AGAP1: variants seen among roughly 807,000 people sequenced by gnomAD.
AGAP1 encodes the protein ArfGAP with GTPase domain, ankyrin repeat and PH domain 1.
A neutral mutation model predicts 105.3 loss-of-function variants in AGAP1; 29 were observed. The ratio of observed to expected loss-of-function variants is 0.28; its 90% CI spans 0.21 to 0.38. The LOEUF is 0.38. AGAP1 is among the 10% of genes least tolerant of loss of function. The pLI is 1.00. For synonymous variants in AGAP1, 509 were observed against 485.9 expected (o/e 1.05, Z -0.63); for missense variants, 998 against 1,165.1 (o/e 0.86, Z 2.09).
In AGAP1 at chr2:235,579,879, A is replaced by G. The variant is rs530837836; in HGVS notation, c.163+85030A>G. On this transcript the variant is annotated intron_variant, in intron 1 of 17. Coordinates refer to ENST00000304032, the MANE Select transcript of AGAP1 (RefSeq NM_001037131.3). The stretch of plus-strand genomic sequence containing the variant: ...ATTTCATCACCCCCGCCCAGGGGAA[A>G]CCCCATGTTCTTCAGCAGTCATTGC... 3.3e-5 allele frequency among the ~76,000 whole-genome samples: 5 copies of G among 152,134 alleles called. No homozygotes were observed. In the South Asian group the frequency reaches 1.0e-3, roughly 32 times the overall value.
rs2058647226 is a variant in AGAP1 at position 236,076,815 on chromosome 2, A to G, written c.2114+27534A>G. On this transcript the variant is annotated intron_variant, in intron 16 of 17. Coordinates refer to ENST00000304032, the MANE Select transcript of AGAP1 (RefSeq NM_001037131.3). This position sits in a 1 kb window ranked among gnomAD's most constrained non-coding sequence, Gnocchi z 4.4. ...GGGAAGTGACTGTATCCTACAGAGT[A>G]GAAAAATAGTCCCAGCACAGGGTCT... is the stretch of plus-strand genomic sequence containing the variant. Among the ~76,000 whole-genome samples the G allele has an allele frequency of 6.6e-6, 1 of 152,058 alleles. No individual in the cohort carries two copies.
chr2:236,063,103 A>AT lies in AGAP1; in HGVS notation c.2114+13830dup, dbSNP rs907952385. On this transcript the variant is annotated intron_variant, in intron 16 of 17. Coordinates refer to ENST00000304032, the MANE Select transcript of AGAP1 (RefSeq NM_001037131.3). ...GCGCCCCGCTGTACTCAGGACTTTT[A>AT]TTTTTTTTGAGCCAGAGTCTTGCTC... Among the ~76,000 whole-genome samples the AT allele has an allele frequency of 4.4e-4, 66 of 150,922 alleles. 2 individuals are homozygous for AT. The highest frequency in any genetic ancestry group is 3.4e-3 in the Admixed American group (51 of 15,168).
At chr2:235,791,871 G>T (rs1432533636) in intron 6 of AGAP1, among the ~76,000 whole-genome samples, 1 of 152,316 alleles carries the variant, frequency 6.6e-6, no homozygotes, top group East Asian at 1.9e-4. Flanking sequence ...AATGAAATGT[G>T]AAGTAAGTGT....
Position 235,744,747 on chromosome 2 carries a change from A to C in AGAP1, c.446A>C (p.Glu149Ala). ...ATATTTGTCTTCAGCTTGGAGGATG[A>C]AATAAGTTTCCAGACCGTTTACCAC... ...AVIFVFSLED[E>A]ISFQTVYHYY... Residue 149 changes from glutamate to alanine, a missense_variant, in exon 5 of 18, where the codon GAA becomes GCA. Coordinates refer to ENST00000304032, the MANE Select transcript of AGAP1 (RefSeq NM_001037131.3). This position sits in a 1 kb window ranked among gnomAD's most constrained non-coding sequence, Gnocchi z 5.2. 1 of 1,613,816 alleles carries C rather than the reference A, an allele frequency of 6.2e-7. No individual in the cohort carries two copies. The highest frequency in any genetic ancestry group is 8.5e-7 in the Non-Finnish European group (1 of 1,180,002).
rs1410229155 is a variant in AGAP1 at position 235,889,933 on chromosome 2, A to G, written c.1155+6484A>G. Among the ~76,000 whole-genome samples the G allele has an allele frequency of 2.2e-5, 3 of 138,830 alleles. No individual in the cohort carries two copies. The highest frequency in any genetic ancestry group is 4.5e-5 in the Non-Finnish European group (3 of 67,004). 91.1% of individuals were successfully genotyped at this position (138,830 alleles called of 152,430 possible). A position where few individuals can be genotyped will look rare whatever the true frequency, so the allele number is the denominator to read the frequency against. Reference sequence around the variant, plus strand: ...TCCATGAAAGTTTATGCCAGTGATAACCTCCAGGCCCCAGATCTGCTCAGC... The same window carrying G: ...TCCATGAAAGTTTATGCCAGTGATAGCCTCCAGGCCCCAGATCTGCTCAGC... On this transcript the variant is annotated intron_variant, in intron 10 of 17. Transcript: ENST00000304032. This position sits in a 1 kb window ranked among gnomAD's most constrained non-coding sequence, Gnocchi z 4.6.
chr2:235,984,187 A>G (rs756796489), intron 13 of AGAP1, among the ~76,000 whole-genome samples: 1 of 152,220 alleles, frequency 6.6e-6, no homozygotes, highest in East Asian at 1.9e-4. Context: ...TGTGTCTGGC[A>G]TCTTATATTT....
rs1462017718 is a variant in AGAP1, at chr2:235,620,424, C to T, written c.164-88755C>T. Among the ~76,000 whole-genome samples the T allele has an allele frequency of 6.6e-6, 1 of 152,206 alleles. No individual in the cohort carries two copies. Among genetic ancestry groups the T allele is most frequent in the East Asian group, 1.9e-4 (1 of 5,174 alleles). On this transcript the variant is annotated intron_variant, in intron 1 of 17. Coordinates refer to ENST00000304032, the MANE Select transcript of AGAP1 (RefSeq NM_001037131.3). The surrounding 1 kb of genome is among the most constrained non-coding windows in gnomAD (Gnocchi z 4.5). Reference sequence around the variant, plus strand: ...TCCTCCTGGCCCTCGCCTTCTGCCACTCTCCCCTTGCTCATGGCTCTGCTG... The same window carrying T: ...TCCTCCTGGCCCTCGCCTTCTGCCATTCTCCCCTTGCTCATGGCTCTGCTG...
rs561287674 is a variant in AGAP1 at position 235,888,763 on chromosome 2, C to G, written c.1155+5314C>G. Among the ~76,000 whole-genome samples, 1 of 151,978 alleles carries G rather than the reference C, an allele frequency of 6.6e-6. No individual in the cohort carries two copies. The highest frequency in any genetic ancestry group is 1.5e-5 in the Non-Finnish European group (1 of 67,968). On this transcript the variant is annotated intron_variant, in intron 10 of 17. Transcript: ENST00000304032. This position sits in a 1 kb window ranked among gnomAD's most constrained non-coding sequence, Gnocchi z 4.8. ...CAGCATTTGTTGCTGTCGGGTAGAG[C>G]GGCCACCCACTGCCCCAGCCTTCCC...
chr2:236,025,908 G>GTGGGTGGGTGGGTGGAGGGA (rs547504974), intron 13 of AGAP1, among the ~76,000 whole-genome samples: 1 of 100,314 alleles, frequency 1.0e-5, no homozygotes, highest in Non-Finnish European at 1.9e-5. Flanking sequence ...TCTCGGGTGG[G>GTGGGTGGGTGGGTGGAGGGA]TGGATGGATG....
chr2:235,949,021 T>C (rs973132018), intron 12 of AGAP1, among the ~76,000 whole-genome samples: 6 of 152,234 alleles, frequency 3.9e-5, no homozygotes, highest in Non-Finnish European at 7.3e-5. Flanking sequence ...TAATTTTTAA[T>C]AGTCAGTGAA....
At chr2:235,584,271 C>T (rs570343767) in intron 1 of AGAP1, among the ~76,000 whole-genome samples, 36 of 148,790 alleles carry the variant, frequency 2.4e-4, no homozygotes, top group South Asian at 1.9e-3. Flanking sequence ...TGTCATTGAA[C>T]GTAATAATTA....
chr2:235,909,631 G>C lies in AGAP1; in HGVS notation c.1324+725G>C, dbSNP rs535362994. Reference sequence around the variant, plus strand: ...CCCATAAACACACACACAGAGTCAGGCTCCTTCAACATGGGGACATCCCTT... The same window carrying C: ...CCCATAAACACACACACAGAGTCAGCCTCCTTCAACATGGGGACATCCCTT... On this transcript the variant is annotated intron_variant, in intron 11 of 17. Coordinates refer to ENST00000304032, the MANE Select transcript of AGAP1 (RefSeq NM_001037131.3). 1.2e-4 allele frequency among the ~76,000 whole-genome samples: 19 copies of C among 152,228 alleles called. No homozygotes were observed. The East Asian group carries it at 2.1e-3, about 17-fold the overall frequency.
intron 1 of AGAP1, among the ~76,000 whole-genome samples, chr2:235,512,916 C>T (rs1942211111): frequency 6.6e-6 from 1 of 152,236 alleles, no homozygotes; most frequent in South Asian, 2.1e-4. Flanking sequence ...GCCATTAATG[C>T]TCGTGCAGGG....
intron 6 of AGAP1, among the ~76,000 whole-genome samples, chr2:235,767,987 A>G (rs986068066): frequency 3.9e-5 from 6 of 151,942 alleles, no homozygotes; most frequent in Admixed American, 6.6e-5. Flanking sequence ...GGGTTACACC[A>G]TGTTGGCCAG....
Position 236,036,478 on chromosome 2 carries a change from G to A in AGAP1, c.1646-83G>A, listed in dbSNP as rs2057385534. ...GTCCATGCAGGGGCAGCTGAACCCAGAGGCGCTTCTGTGACAGAGGGCCCG... is the reference window on the plus strand; with the variant it reads ...GTCCATGCAGGGGCAGCTGAACCCAAAGGCGCTTCTGTGACAGAGGGCCCG... On this transcript the variant is annotated intron_variant, in intron 13 of 17. Transcript: ENST00000304032. This position sits in a 1 kb window ranked among gnomAD's most constrained non-coding sequence, Gnocchi z 5.7. The A allele has an allele frequency of 1.5e-5, 23 of 1,550,614 alleles. No homozygotes were observed. The South Asian group carries it at 2.8e-4, about 19-fold the overall frequency.
Position 235,665,239 on chromosome 2 carries a change from G to C in AGAP1, c.164-43940G>C, listed in dbSNP as rs1948089326. ...ACACAATAGACATCGCCAGTGTTCTGTTGGCAGGAATTGCTATCGTTGGTC... is the reference window on the plus strand; with the variant it reads ...ACACAATAGACATCGCCAGTGTTCTCTTGGCAGGAATTGCTATCGTTGGTC... On this transcript the variant is annotated intron_variant, in intron 1 of 17. Coordinates refer to ENST00000304032, the MANE Select transcript of AGAP1 (RefSeq NM_001037131.3). This position sits in a 1 kb window ranked among gnomAD's most constrained non-coding sequence, Gnocchi z 5.3. Among the ~76,000 whole-genome samples, 2 of 152,160 alleles carry C rather than the reference G, an allele frequency of 1.3e-5. No individual in the cohort carries two copies. The highest frequency in any genetic ancestry group is 2.4e-5 in the African/African-American group (1 of 41,442).
chr2:235,988,974 C>T lies in AGAP1; in HGVS notation c.1645+20351C>T, dbSNP rs1456458103. ...GTCGTTGAGTTTTAGTTTAGGTCTT[C>T]CGAGGAATGCACAGACCACACGTTG... On this transcript the variant is annotated intron_variant, in intron 13 of 17. Coordinates refer to ENST00000304032, the MANE Select transcript of AGAP1 (RefSeq NM_001037131.3). The surrounding 1 kb of genome is among the most constrained non-coding windows in gnomAD (Gnocchi z 4.7). Among the ~76,000 whole-genome samples, 19 of 152,158 alleles carry T rather than the reference C, an allele frequency of 1.2e-4. No homozygotes were observed.
intron 9 of AGAP1, among the ~76,000 whole-genome samples, chr2:235,868,380 C>G (rs76031318): frequency 0.013 from 1,993 of 152,222 alleles, 48 homozygotes; most frequent in African/African-American, 0.045. Flanking sequence ...GATGCATGCA[C>G]GGCCCCCGGT....
At chr2:235,885,156 A>C (rs996713526) in intron 10 of AGAP1, among the ~76,000 whole-genome samples, 1 of 152,170 alleles carries the variant, frequency 6.6e-6, no homozygotes, top group Non-Finnish European at 1.5e-5. Context: ...TAGGGTGCAT[A>C]CTCCCGGCTA....
Sources: gnomAD v4.1 joint callset for allele counts (sites outside exome capture counted in the v4.1 genomes callset) on GRCh38, gnomAD v4.1.1 for gene constraint, Gnocchi (gnomAD v3.1) non-coding constraint, MANE v1.5 for transcripts, NCBI Gene and HGNC (gene_info 2026-07-23, HGNC 2026-07-21) for gene names.